The following SNX4 variants were observed in gnomAD, a reference collection of about 807,000 sequenced individuals.
SNX4 encodes the protein sorting nexin 4, also known as sorting nexin-4.
A neutral mutation model predicts 70.8 loss-of-function variants in SNX4; 49 were observed. The ratio of observed to expected loss-of-function variants is 0.69; its 90% CI spans 0.55 to 0.88. SNX4 has a LOEUF of 0.88. SNX4 is among the 40% of genes least tolerant of loss of function. The pLI is 0.00. For missense variants in SNX4, 528 were observed against 544.8 expected (o/e 0.97, Z 0.31); for synonymous variants, 206 against 183.8 (o/e 1.12, Z -0.98).
chr3:125,510,626 T>C (rs1395175814), intron 1 of SNX4, among the ~76,000 whole-genome samples: 1 of 152,228 alleles, frequency 6.6e-6, no homozygotes, highest in East Asian at 1.9e-4. Context: ...CATGGATATA[T>C]ATATCTTAAA....
In SNX4 at chr3:125,453,496, T is replaced by TTATTTA. The variant is rs1559808136; in HGVS notation, c.1190+313_1190+314insTAAATA. 8.2e-5 allele frequency among the ~76,000 whole-genome samples: 10 copies of TTATTTA among 121,750 alleles called. No individual in the cohort carries two copies. In the East Asian group the frequency reaches 1.7e-3, roughly 21 times the overall value. The allele number at this position is 121,750 out of a possible 152,430, so 79.9% of individuals were successfully genotyped here. A position where few individuals can be genotyped will look rare whatever the true frequency, so the allele number is the denominator to read the frequency against. On this transcript the variant is annotated intron_variant, in intron 12 of 13. Coordinates refer to ENST00000251775, the MANE Select transcript of SNX4 (RefSeq NM_003794.4). ...TTTTGATAATTCAACTTTCTTTTAT[T>TTATTTA]TTTATTTATTTATTTATTTATTTAT...
intron 2 of SNX4, among the ~76,000 whole-genome samples, chr3:125,502,212 G>A (rs1165113542): frequency 6.6e-6 from 1 of 152,030 alleles, no homozygotes. Flanking sequence ...CTCTCACAGG[G>A]CCATGATCTT....
intron 1 of SNX4, among the ~76,000 whole-genome samples, chr3:125,506,164 T>A (rs755671356): frequency 5.3e-5 from 8 of 151,806 alleles, no homozygotes; most frequent in Admixed American, 2.0e-4. Flanking sequence ...ATGTCCAGAG[T>A]TACCACATTA....
Position 125,466,549 on chromosome 3 carries a change from CTA to C in SNX4, c.854+2903_854+2904del, listed in dbSNP as rs1934024562. Among the ~76,000 whole-genome samples, 2 of 152,160 alleles carry C rather than the reference CTA, an allele frequency of 1.3e-5. 1 individual carries two copies. Among genetic ancestry groups the C allele is most frequent in the South Asian group, 4.1e-4 (2 of 4,832 alleles). On this transcript the variant is annotated intron_variant, in intron 9 of 13. Transcript: ENST00000251775. ...CGAAATGGGAGAAGATATTCCCAAA[CTA>C]TGTTATCTGACAAAGGTTTAATATC...
rs1933854543 is a variant in SNX4, at chr3:125,460,640, A to G, written c.944+131T>C. Reference sequence around the variant, plus strand: ...GCACTCTGCAACACAGAGAAATACAATGAGACCTCATTCATTATCTGAGGG... The same window carrying G: ...GCACTCTGCAACACAGAGAAATACAGTGAGACCTCATTCATTATCTGAGGG... On this transcript the variant is annotated intron_variant, in intron 10 of 13. Coordinates refer to ENST00000251775, the MANE Select transcript of SNX4 (RefSeq NM_003794.4). The G allele has an allele frequency of 1.1e-5, 5 of 458,034 alleles. No homozygotes were observed. The East Asian group carries it at 1.8e-4, about 16-fold the overall frequency. The allele number at this position is 458,034 out of a possible 1,614,324, so 28.4% of individuals were successfully genotyped here. A position where few individuals can be genotyped will look rare whatever the true frequency, so the allele number is the denominator to read the frequency against.
chr3:125,504,669 C>T lies in SNX4; in HGVS notation c.217G>A (p.Ala73Thr), dbSNP rs200302804. 2 of 1,613,870 alleles carry T rather than the reference C, an allele frequency of 1.2e-6. No homozygotes were observed. The highest frequency in any genetic ancestry group is 1.7e-5 in the Admixed American group (1 of 59,982). The stretch of plus-strand genomic sequence containing the variant: ...GTATATGTTTCTTGCATGTTCATGG[C>T]ATTTCTTCCAGTTCGTTTTTCTGCT... ...SEAEKRTGRN[A>T]MNMQETYTAY... Residue 73 changes from alanine (A) to threonine (T), a missense_variant, in exon 2 of 14, where the codon GCC (alanine) becomes ACC (threonine). Transcript: ENST00000251775.
At chr3:125,453,733 A>G (rs941187833) in intron 12 of SNX4, 77 bp downstream of exon 12, 1 of 1,215,562 alleles carries the variant, frequency 8.2e-7, no homozygotes, top group Admixed American at 2.5e-5. Context: ...TGTTACCAAA[A>G]TAAATAAATA....
chr3:125,449,690 T>C (rs1397537193), intron 13 of SNX4, among the ~76,000 whole-genome samples: 5 of 152,154 alleles, frequency 3.3e-5, no homozygotes, highest in Non-Finnish European at 7.3e-5. Context: ...TATCCAACAG[T>C]ATGTCCAAAT....
intron 6 of SNX4, among the ~76,000 whole-genome samples, chr3:125,480,905 G>A (rs953279713): frequency 1.3e-5 from 2 of 151,898 alleles, no homozygotes; most frequent in Non-Finnish European, 2.9e-5. Context: ...CCCATCTAAC[G>A]CTCTAGATTC....
At chr3:125,461,151 G>A (rs986390861) in intron 9 of SNX4, among the ~76,000 whole-genome samples, 1 of 152,150 alleles carries the variant, frequency 6.6e-6, no homozygotes, top group Non-Finnish European at 1.5e-5. Flanking sequence ...TCTTGAACCC[G>A]GGAGGAGGAG....
chr3:125,478,513 C>T (rs1439589804), intron 7 of SNX4, among the ~76,000 whole-genome samples: 1 of 151,498 alleles, frequency 6.6e-6, no homozygotes, highest in Non-Finnish European at 1.5e-5. Flanking sequence ...CCTTTTAGAC[C>T]TTTAACACCA....
chr3:125,495,827 C>T (rs988768855), intron 5 of SNX4, among the ~76,000 whole-genome samples: 2 of 152,060 alleles, frequency 1.3e-5, no homozygotes, highest in African/African-American at 4.8e-5. Flanking sequence ...TAATCTTTTC[C>T]TTGTTAGCTT....
intron 8 of SNX4, among the ~76,000 whole-genome samples, chr3:125,473,148 C>A (rs77368536): frequency 6.6e-6 from 1 of 152,232 alleles, no homozygotes; most frequent in South Asian, 2.1e-4. Flanking sequence ...GTGAGCACAG[C>A]GCCCAATAGT....
intron 7 of SNX4, among the ~76,000 whole-genome samples, chr3:125,477,677 C>T (rs79103901): frequency 0.023 from 3,519 of 152,108 alleles, 142 homozygotes; most frequent in African/African-American, 0.08. Flanking sequence ...GTGACAGAAC[C>T]GCCACTGCAA....
intron 12 of SNX4, among the ~76,000 whole-genome samples, chr3:125,453,325 G>C (rs936042223): frequency 3.9e-5 from 6 of 152,144 alleles, no homozygotes; most frequent in African/African-American, 1.4e-4. Context: ...CTTCAGCTGG[G>C]TACTGAAGGA....
chr3:125,495,277 T>TATATACATATATATATATACAC, intron 5 of SNX4, among the ~76,000 whole-genome samples: 1 of 99,618 alleles, frequency 1.0e-5, no homozygotes, highest in Non-Finnish European at 2.0e-5. Context: ...TATATATATA[T>TATATACATATATATATATACAC]ACACATACAC....
intron 9 of SNX4, among the ~76,000 whole-genome samples, chr3:125,467,748 G>T (rs35174433): frequency 0.053 from 8,075 of 152,222 alleles, 310 homozygotes; most frequent in Middle Eastern, 0.095. Context: ...AAAATAACAT[G>T]CTGGCAAGGT....
intron 1 of SNX4, among the ~76,000 whole-genome samples, chr3:125,508,177 A>G (rs1935091399): frequency 6.6e-6 from 1 of 152,190 alleles, no homozygotes; most frequent in Non-Finnish European, 1.5e-5. Flanking sequence ...CGAAAATCCC[A>G]ATGACATTCT....
intron 9 of SNX4, among the ~76,000 whole-genome samples, chr3:125,465,617 C>A (rs1933991364): frequency 6.6e-6 from 1 of 151,850 alleles, no homozygotes; most frequent in African/African-American, 2.4e-5. Context: ...ATTCTAGGTT[C>A]TTTAAATGTC....
Sources: allele counts gnomAD v4.1 joint callset (sites outside exome capture counted in the v4.1 genomes callset), GRCh38; gene constraint gnomAD v4.1.1; transcripts MANE v1.5; gene names NCBI Gene and HGNC (gene_info 2026-07-23, HGNC 2026-07-21).